SF3A3: variants seen among roughly 807,000 people sequenced by gnomAD.
SF3A3 encodes the protein splicing factor 3a subunit 3.
SF3A3 carries 9 observed loss-of-function variants against 85.8 expected under a neutral mutation model. The observed-to-expected ratio is 0.10, with a 90% CI of 0.06 to 0.18. The LOEUF is 0.18. SF3A3 is among the 10% of genes least tolerant of loss of function. The probability of loss-of-function intolerance (pLI) is 1.00; values close to 1 mark genes in which losing one functional copy is unlikely to be tolerated. For missense variants in SF3A3, 306 were observed against 593.3 expected (o/e 0.52, Z 5.03); for synonymous variants, 195 against 204.4 (o/e 0.95, Z 0.39).
In SF3A3 at chr1:37,969,745, G is replaced by A. The variant is rs1438998891; in HGVS notation, c.1006-10C>T. On this transcript the variant is annotated splice_polypyrimidine_tract_variant and intron_variant, in intron 12 of 16. Coordinates refer to ENST00000373019, the MANE Select transcript of SF3A3 (RefSeq NM_006802.4). ...TGAGATGTCGCTGTTCCTAAAGCAGGTCCATAAATGAAAAGTCAGAAAAAA... is the reference window on the plus strand; with the variant it reads ...TGAGATGTCGCTGTTCCTAAAGCAGATCCATAAATGAAAAGTCAGAAAAAA... The A allele has an allele frequency of 2.7e-5, 44 of 1,608,276 alleles. No individual in the cohort carries two copies. Among genetic ancestry groups the A allele is most frequent in the Non-Finnish European group, 3.4e-5 (40 of 1,176,324 alleles).
Position 37,957,382 on chromosome 1 carries a change from C to CG in SF3A3, c.*803_*804insC, listed in dbSNP as rs368262287. On this transcript the variant is annotated 3_prime_UTR_variant, in exon 17 of 17. Transcript: ENST00000373019. ...ATTCCAACACAGCCCAACTCCCCCC[C>CG]CCCCCCCTTTTTTTTTTTTTGAGAT... The CG allele has an allele frequency of 7.4e-6, 1 of 135,202 alleles. No individual in the cohort carries two copies. The highest frequency in any genetic ancestry group is 1.6e-5 in the Non-Finnish European group (1 of 62,402). The allele number at this position is 135,202 out of a possible 1,614,324, so 8.4% of individuals were successfully genotyped here.
At chr1:37,966,457 C>T (rs1365396694) in intron 15 of SF3A3, among the ~76,000 whole-genome samples, 1 of 151,984 alleles carries the variant, frequency 6.6e-6, no homozygotes, top group African/African-American at 2.4e-5. Context: ...CTATATTTTC[C>T]TTTATATCAG....
chr1:37,967,062 C>G (rs999664250), intron 15 of SF3A3, among the ~76,000 whole-genome samples: 1 of 110,274 alleles, frequency 9.1e-6, no homozygotes, highest in Non-Finnish European at 1.8e-5. Flanking sequence ...CCTCAACCAG[C>G]CTGGCCAACA....
chr1:37,981,900 A>C, intron 6 of SF3A3, 89 bp from the exon 7 acceptor site: 1 of 786,306 alleles, frequency 1.3e-6, no homozygotes, highest in Non-Finnish European at 2.0e-6. Flanking sequence ...TGAGATCAAA[A>C]TTGAGTGTTT....
At chr1:37,968,001 C>A in intron 15 of SF3A3, 43 bp downstream of exon 15, 1 of 1,201,200 alleles carries the variant, frequency 8.3e-7, no homozygotes, top group Non-Finnish European at 1.2e-6. Flanking sequence ...AGGAGTAGAG[C>A]CATTTGTACT....
At chr1:37,983,610 A>AAAAAAAAAAAAAAAAATT (rs1646435928) in intron 6 of SF3A3, among the ~76,000 whole-genome samples, 1 of 142,560 alleles carries the variant, frequency 7.0e-6, no homozygotes, top group Non-Finnish European at 1.5e-5. Context: ...AAAAAAAAAG[A>AAAAAAAAAAAAAAAAATT]TTTATTTTGG....
chr1:37,959,268 A>G (rs530329293), intron 16 of SF3A3, among the ~76,000 whole-genome samples: 2 of 152,116 alleles, frequency 1.3e-5, no homozygotes, highest in African/African-American at 2.4e-5. Flanking sequence ...TTGTAGAGAT[A>G]TGGTTTCACC....
rs562139086 is a variant in SF3A3 at position 37,978,023 on chromosome 1, G to GA, written c.935+696dup. 2.7e-5 allele frequency among the ~76,000 whole-genome samples: 4 copies of GA among 147,872 alleles called. No homozygotes were observed. In the South Asian group the frequency reaches 6.6e-4, roughly 25 times the overall value. ...CAGAGCGAGATTCCATCTCAAAAAA[G>GA]AAAAAAACAAACAAACAAAAAAAAC... On this transcript the variant is annotated intron_variant, in intron 11 of 16. Coordinates refer to ENST00000373019, the MANE Select transcript of SF3A3 (RefSeq NM_006802.4).
intron 15 of SF3A3, among the ~76,000 whole-genome samples, chr1:37,966,133 G>A (rs946316539): frequency 1.3e-5 from 2 of 152,014 alleles, no homozygotes; most frequent in Non-Finnish European, 2.9e-5. Flanking sequence ...GAACCAGGAG[G>A]TGGAGGTTGC....
rs140845717 is a variant in SF3A3 at position 37,969,555 on chromosome 1, T to C, written c.1170+16A>G. 14,841 of 1,614,156 alleles carry C rather than the reference T, an allele frequency of 9.2e-3. 94 individuals are homozygous for C. Among genetic ancestry groups the C allele is most frequent in the Non-Finnish European group, 0.011 (12,515 of 1,179,990 alleles). ...AAAATGGGGAATGGGGAGAAAGTGG[T>C]AGTGCTGAGACTTACTTTGCCATCC... On this transcript the variant is annotated intron_variant, in intron 13 of 16. Coordinates refer to ENST00000373019, the MANE Select transcript of SF3A3 (RefSeq NM_006802.4).
rs781325783 is a variant in SF3A3, at chr1:37,968,034, TCTTA to T, written c.1372+6_1372+9del. 3 of 1,567,148 alleles carry T rather than the reference TCTTA, an allele frequency of 1.9e-6. No individual in the cohort carries two copies. Among genetic ancestry groups the T allele is most frequent in the Admixed American group, 1.7e-5 (1 of 59,952 alleles). ...ACTCGCCTAGGAGACAGTAAATAAATCTTACTTACAGGAGACAGCATCTTCAATC... is the reference window on the plus strand; with the variant it reads ...ACTCGCCTAGGAGACAGTAAATAAATCTTACAGGAGACAGCATCTTCAATC... On this transcript the variant is annotated splice_donor_region_variant and intron_variant, in intron 15 of 16. Transcript: ENST00000373019.
rs952980058 is a variant in SF3A3, at chr1:37,960,016, G to A, written c.1428+104C>T. ...TTGTAGATATTGTCACATTCTACTC[G>A]CTGCTGCAGTACACCAGGGACCATC... On this transcript the variant is annotated intron_variant, in intron 16 of 16. Coordinates refer to ENST00000373019, the MANE Select transcript of SF3A3 (RefSeq NM_006802.4). 19 of 736,622 alleles carry A rather than the reference G, an allele frequency of 2.6e-5. No homozygotes were observed. In the African/African-American group the frequency reaches 2.7e-4, roughly 10 times the overall value. 45.6% of individuals were successfully genotyped at this position (736,622 alleles called of 1,614,324 possible).
intron 12 of SF3A3, among the ~76,000 whole-genome samples, chr1:37,973,492 G>T (rs925396690): frequency 2.6e-5 from 4 of 151,974 alleles, no homozygotes; most frequent in African/African-American, 2.4e-5. Flanking sequence ...GAACTACAAA[G>T]AATCTACAAA....
chr1:37,981,921 TA>T, intron 6 of SF3A3, 110 bp from the exon 7 acceptor site: 2 of 677,462 alleles, frequency 3.0e-6, no homozygotes, highest in Non-Finnish European at 5.0e-6. Context: ...TCTAAAGAAG[TA>T]ACAAGGGCTG....
intron 9 of SF3A3, 133 bp downstream of exon 9, chr1:37,979,331 CT>C (rs1374144542): frequency 1.4e-6 from 1 of 731,354 alleles, no homozygotes; most frequent in African/African-American, 1.8e-5. Context: ...TGCCTTGCTA[CT>C]TTCTTTGTAG....
chr1:37,988,029 A>G (rs922642141), intron 2 of SF3A3, among the ~76,000 whole-genome samples, 193 bp from the exon 3 acceptor site: 1 of 152,152 alleles, frequency 6.6e-6, no homozygotes, highest in African/African-American at 2.4e-5. Flanking sequence ...TAGCCCTTTA[A>G]CAGCCTTGAT....
intron 4 of SF3A3, 132 bp from the exon 5 acceptor site, chr1:37,984,911 G>C (rs890982182): frequency 1.3e-5 from 9 of 692,842 alleles, no homozygotes; most frequent in African/African-American, 7.1e-5. Context: ...GGGTTCAAGC[G>C]ATTGTCCTGC....
At chr1:37,968,228 CT>C in intron 14 of SF3A3, 94 bp from the exon 15 acceptor site, 1 of 749,320 alleles carries the variant, frequency 1.3e-6, no homozygotes. Flanking sequence ...TAACATGGCC[CT>C]TTGCAAGACT....
intron 16 of SF3A3, among the ~76,000 whole-genome samples, chr1:37,959,118 A>C (rs1490914640): frequency 6.9e-6 from 1 of 144,012 alleles, no homozygotes; most frequent in Non-Finnish European, 1.5e-5. Context: ...TTGCTCTGTC[A>C]CCCAGGCTGG....
Sources: gnomAD v4.1 joint callset for allele counts (sites outside exome capture counted in the v4.1 genomes callset) on GRCh38, gnomAD v4.1.1 for gene constraint, MANE v1.5 for transcripts, NCBI Gene and HGNC (gene_info 2026-07-23, HGNC 2026-07-21) for gene names.